SNTG1: variants seen among roughly 807,000 people sequenced by gnomAD.
SNTG1 encodes the protein syntrophin gamma 1.
Under a neutral mutation model 74.7 loss-of-function variants are expected in SNTG1, and 39 were observed. The observed-to-expected ratio is 0.52, with a 90% CI of 0.40 to 0.68. SNTG1 has a LOEUF of 0.68. Ranked by LOEUF, SNTG1 falls within the 30% of genes least tolerant of loss-of-function variation. The pLI is 0.00. For missense variants in SNTG1, 685 were observed against 609.5 expected, an observed-to-expected ratio of 1.12 and a Z score of -1.30; for synonymous variants, 254 against 217.1, an observed-to-expected ratio of 1.17 and a Z score of -1.49.
intron 13 of SNTG1, among the ~76,000 whole-genome samples, chr8:50,597,092 G>A (rs1585797533): frequency 6.6e-6 from 1 of 151,532 alleles, no homozygotes; most frequent in Admixed American, 6.6e-5. Flanking sequence ...CTAGCCTCTG[G>A]TAACCACTAT....
intron 4 of SNTG1, among the ~76,000 whole-genome samples, chr8:50,402,766 G>C (rs560374129): frequency 6.6e-6 from 1 of 152,126 alleles, no homozygotes; most frequent in Non-Finnish European, 1.5e-5. Flanking sequence ...GTTAGGCAGC[G>C]GTCACTGAAC....
intron 2 of SNTG1, among the ~76,000 whole-genome samples, chr8:50,345,304 T>C (rs2091439300): frequency 6.6e-6 from 1 of 152,126 alleles, no homozygotes; most frequent in Non-Finnish European, 1.5e-5. Flanking sequence ...AGCCCATAGA[T>C]ATTCTGAAAG....
At chr8:50,408,561 C>A (rs1234000789) in intron 4 of SNTG1, among the ~76,000 whole-genome samples, 1 of 152,080 alleles carries the variant, frequency 6.6e-6, no homozygotes, top group Non-Finnish European at 1.5e-5. Flanking sequence ...GAGAGGGTGC[C>A]ATCAGCCCCA....
chr8:50,648,870 A>C (rs2095127096), intron 13 of SNTG1, among the ~76,000 whole-genome samples: 1 of 152,100 alleles, frequency 6.6e-6, no homozygotes, highest in Non-Finnish European at 1.5e-5. Context: ...TTATCCTGAA[A>C]GGCTTGATAA....
chr8:50,096,832 C>T (rs1303984677), intron 1 of SNTG1, among the ~76,000 whole-genome samples: 4 of 151,978 alleles, frequency 2.6e-5, no homozygotes, highest in Non-Finnish European at 4.4e-5. Flanking sequence ...AGTAGTCATT[C>T]AGGATATAAG....
chr8:50,748,820 C>T (rs1322511294), intron 17 of SNTG1, among the ~76,000 whole-genome samples: 1 of 151,812 alleles, frequency 6.6e-6, no homozygotes, highest in Admixed American at 6.6e-5. Context: ...TAATTTTAAC[C>T]AAAAAGATGT....
intron 1 of SNTG1, among the ~76,000 whole-genome samples, chr8:49,952,651 T>G (rs1229480053): frequency 6.6e-6 from 1 of 152,214 alleles, no homozygotes; most frequent in Non-Finnish European, 1.5e-5. Flanking sequence ...AGTATCTGAC[T>G]TGGGATGAGG....
chr8:50,751,238 A>G (rs2095566638), intron 17 of SNTG1, among the ~76,000 whole-genome samples: 1 of 151,954 alleles, frequency 6.6e-6, no homozygotes, highest in Non-Finnish European at 1.5e-5. Context: ...TTCTTTAATG[A>G]TTTATATCTT....
chr8:50,545,538 A>T (rs906353643), intron 11 of SNTG1, among the ~76,000 whole-genome samples: 4 of 150,104 alleles, frequency 2.7e-5, no homozygotes, highest in Non-Finnish European at 5.9e-5. Flanking sequence ...TTTGAGGAGT[A>T]CTCTCAGTGT....
chr8:50,447,645 C>G (rs757885466), intron 5 of SNTG1, among the ~76,000 whole-genome samples: 1 of 152,136 alleles, frequency 6.6e-6, no homozygotes, highest in Admixed American at 6.5e-5. Flanking sequence ...AGACATTATT[C>G]CAGGCACTGG....
At chr8:50,337,684 C>G (rs1051493032) in intron 2 of SNTG1, among the ~76,000 whole-genome samples, 1 of 152,142 alleles carries the variant, frequency 6.6e-6, no homozygotes, top group Non-Finnish European at 1.5e-5. Flanking sequence ...TTGTTAGGGT[C>G]GCAACCCATG....
chr8:50,721,989 G>A (rs1178578867), intron 17 of SNTG1, among the ~76,000 whole-genome samples: 2 of 151,918 alleles, frequency 1.3e-5, no homozygotes, highest in Non-Finnish European at 2.9e-5. Context: ...TCAGTGTCAG[G>A]AACAAATGAT....
chr8:50,729,521 A>G (rs192128681), intron 17 of SNTG1, among the ~76,000 whole-genome samples: 1 of 152,100 alleles, frequency 6.6e-6, no homozygotes, highest in Non-Finnish European at 1.5e-5. Context: ...AGTTAAGCCC[A>G]TGTCTACCTC....
intron 15 of SNTG1, among the ~76,000 whole-genome samples, chr8:50,670,240 A>G (rs376634827): frequency 8.6e-5 from 13 of 151,816 alleles, no homozygotes; most frequent in Admixed American, 3.9e-4. Flanking sequence ...TAGGAAAAGA[A>G]GAAGTCAAAT....
chr8:50,184,025 A>G (rs986843836), intron 2 of SNTG1, among the ~76,000 whole-genome samples: 7 of 151,790 alleles, frequency 4.6e-5, no homozygotes, highest in African/African-American at 1.2e-4. Flanking sequence ...TCACTTTTAC[A>G]TTGGATTCCA....
intron 2 of SNTG1, among the ~76,000 whole-genome samples, chr8:50,176,985 T>G (rs1416655197): frequency 6.6e-6 from 1 of 152,136 alleles, no homozygotes; most frequent in Non-Finnish European, 1.5e-5. Context: ...GGTGGGACTG[T>G]GCCGTGCAGG....
At position 50,399,873 on chromosome 8, in the gene SNTG1, C is replaced by T. The variant is rs536031728; in HGVS notation, c.28-2337C>T. Reference sequence around the variant, plus strand: ...TTAAAGTATTCTCTAGATTAGTCAGCCTGGTTTCATGAGCACTTGTGTGCT... The same window carrying T: ...TTAAAGTATTCTCTAGATTAGTCAGTCTGGTTTCATGAGCACTTGTGTGCT... On this transcript the variant is annotated intron_variant, in intron 3 of 18. Transcript: ENST00000642720. Among the ~76,000 whole-genome samples, 155 of 152,244 alleles carry T rather than the reference C, an allele frequency of 1.0e-3. 3 individuals carry two copies. The highest frequency in any genetic ancestry group is 9.5e-3 in the South Asian group (46 of 4,822).
intron 12 of SNTG1, among the ~76,000 whole-genome samples, chr8:50,585,330 T>C (rs1011184442): frequency 6.6e-6 from 1 of 152,190 alleles, no homozygotes; most frequent in Non-Finnish European, 1.5e-5. Flanking sequence ...AGAGGATTAA[T>C]AGCTTAAATA....
intron 1 of SNTG1, among the ~76,000 whole-genome samples, chr8:50,107,504 A>T (rs2080418979): frequency 6.6e-6 from 1 of 152,158 alleles, no homozygotes; most frequent in Admixed American, 6.6e-5. Flanking sequence ...GGAGTAACTT[A>T]TCTCAAACAT....
Sources: gnomAD v4.1 joint callset for allele counts (sites outside exome capture counted in the v4.1 genomes callset) on GRCh38, gnomAD v4.1.1 for gene constraint, MANE v1.5 for transcripts, NCBI Gene and HGNC (gene_info 2026-07-23, HGNC 2026-07-21) for gene names.